The following SGCZ variants were observed in gnomAD, a reference collection of about 807,000 sequenced individuals.
SGCZ encodes zeta-sarcoglycan.
In SGCZ, 40 loss-of-function variants were observed where a neutral mutation model predicts 41.3. The ratio of observed to expected loss-of-function variants is 0.97; its 90% CI spans 0.75 to 1.26. The LOEUF (loss-of-function observed/expected upper bound fraction) is 1.26. Ranked by LOEUF, SGCZ falls within the 50% of genes most tolerant of loss-of-function variation. The probability of loss-of-function intolerance (pLI) is 0.00; values close to 1 mark genes in which losing one functional copy is unlikely to be tolerated. For missense variants in SGCZ, 552 were observed against 369.8 expected (o/e 1.49, Z -4.04); for synonymous variants, 206 against 137.5 (o/e 1.50, Z -3.49).
intron 1 of SGCZ, among the ~76,000 whole-genome samples, chr8:14,696,369 T>C (rs976356485): frequency 7.0e-4 from 106 of 152,192 alleles, no homozygotes; most frequent in Non-Finnish European, 1.9e-4. Flanking sequence ...GACTGGGAAT[T>C]GCAAGCATGG....
rs1472695071 is a variant in SGCZ at position 14,087,925 on chromosome 8, A to C, written c.*2518T>G. On this transcript the variant is annotated 3_prime_UTR_variant, in exon 8 of 8. Transcript: ENST00000382080. The stretch of plus-strand genomic sequence containing the variant: ...TATCACTATATTTTCTACTGTACTG[A>C]ACCGATTTGTTATATCATCTGGATA... Among the ~76,000 whole-genome samples the C allele has an allele frequency of 6.6e-6, 1 of 151,700 alleles. No individual in the cohort carries two copies. Among genetic ancestry groups the C allele is most frequent in the African/African-American group, 2.4e-5 (1 of 41,388 alleles).
intron 2 of SGCZ, among the ~76,000 whole-genome samples, chr8:14,365,002 T>C (rs1803646124): frequency 6.6e-6 from 1 of 152,110 alleles, no homozygotes; most frequent in Non-Finnish European, 1.5e-5. Context: ...TTTATATCCA[T>C]TTGATTTTCA....
intron 1 of SGCZ, among the ~76,000 whole-genome samples, chr8:14,711,981 T>C (rs1809533391): frequency 6.6e-6 from 1 of 151,996 alleles, no homozygotes; most frequent in Non-Finnish European, 1.5e-5. Flanking sequence ...AACTAAAGCT[T>C]AACCAGGCCA....
chr8:14,254,580 T>C (rs571780819), intron 3 of SGCZ, among the ~76,000 whole-genome samples: 199 of 152,360 alleles, frequency 1.3e-3, no homozygotes, highest in African/African-American at 4.5e-3. Flanking sequence ...CTCTAAATTG[T>C]TTCATTTCCC....
intron 1 of SGCZ, among the ~76,000 whole-genome samples, chr8:14,555,728 T>C (rs1453200180): frequency 6.6e-6 from 1 of 152,102 alleles, no homozygotes; most frequent in Non-Finnish European, 1.5e-5. Flanking sequence ...TTTCTGTACC[T>C]TTCTCTAAAA....
At chr8:14,733,663 G>T (rs971234945) in intron 1 of SGCZ, among the ~76,000 whole-genome samples, 13 of 152,038 alleles carry the variant, frequency 8.6e-5, no homozygotes, top group Non-Finnish European at 1.6e-4. Flanking sequence ...ATTACAACTT[G>T]TTGTCAAATA....
At chr8:14,605,260 T>A in intron 1 of SGCZ, among the ~76,000 whole-genome samples, 1 of 104,420 alleles carries the variant, frequency 9.6e-6, no homozygotes, top group South Asian at 2.6e-4. Context: ...CTTTTTAAAG[T>A]TTTTTTTTAA....
chr8:14,874,859 A>T (rs1333022767), intron 1 of SGCZ, among the ~76,000 whole-genome samples: 1 of 152,198 alleles, frequency 6.6e-6, no homozygotes, highest in Non-Finnish European at 1.5e-5. Context: ...CCATTCAAGC[A>T]GTATCCCACA....
chr8:14,544,434 G>A (rs1325004727), intron 2 of SGCZ, among the ~76,000 whole-genome samples: 1 of 151,966 alleles, frequency 6.6e-6, no homozygotes, highest in African/African-American at 2.4e-5. Flanking sequence ...CTGCGGGGTC[G>A]GGGAAAAACA....
At chr8:14,964,062 T>A (rs1801054422) in intron 1 of SGCZ, among the ~76,000 whole-genome samples, 1 of 152,322 alleles carries the variant, frequency 6.6e-6, no homozygotes, top group African/African-American at 2.4e-5. Flanking sequence ...ATTGATCTTA[T>A]AAGCCATGCA....
intron 3 of SGCZ, among the ~76,000 whole-genome samples, chr8:14,302,976 C>T (rs1465477670): frequency 6.6e-6 from 1 of 152,178 alleles, no homozygotes; most frequent in Non-Finnish European, 1.5e-5. Flanking sequence ...GTGCTTCTTA[C>T]ACTGAGCACT....
chr8:15,155,951 G>A (rs1032890664), intron 1 of SGCZ, among the ~76,000 whole-genome samples: 5 of 150,658 alleles, frequency 3.3e-5, no homozygotes, highest in Non-Finnish European at 5.9e-5. Flanking sequence ...CAAGCTACTC[G>A]AGAGGCCGAA....
intron 1 of SGCZ, among the ~76,000 whole-genome samples, chr8:14,999,454 A>C (rs1408030256): frequency 1.3e-5 from 2 of 152,176 alleles, no homozygotes; most frequent in Admixed American, 6.5e-5. Flanking sequence ...AGGAGGAAAA[A>C]GTTCTCCAAT....
chr8:14,240,488 T>G (rs1378625960), intron 3 of SGCZ, among the ~76,000 whole-genome samples: 1 of 152,100 alleles, frequency 6.6e-6, no homozygotes, highest in African/African-American at 2.4e-5. Flanking sequence ...ATAATTCTCC[T>G]AATTTTTTGT....
At chr8:15,071,748 A>C (rs1422068989) in intron 1 of SGCZ, among the ~76,000 whole-genome samples, 1 of 152,182 alleles carries the variant, frequency 6.6e-6, no homozygotes, top group Non-Finnish European at 1.5e-5. Context: ...GGAGTAGCAT[A>C]ATCAGATGGG....
chr8:14,199,349 G>T (rs1184279368), intron 4 of SGCZ, among the ~76,000 whole-genome samples: 1 of 152,168 alleles, frequency 6.6e-6, no homozygotes, highest in East Asian at 1.9e-4. Context: ...CAGACTGGTT[G>T]TCTGCTCTCA....
intron 2 of SGCZ, among the ~76,000 whole-genome samples, chr8:14,439,811 T>C (rs1330225494): frequency 6.6e-6 from 1 of 152,010 alleles, no homozygotes; most frequent in Non-Finnish European, 1.5e-5. Flanking sequence ...CTGGAACTTA[T>C]ATTATGCTTA....
intron 1 of SGCZ, among the ~76,000 whole-genome samples, chr8:15,134,246 T>A (rs1461156880): frequency 6.6e-6 from 1 of 151,550 alleles, no homozygotes; most frequent in Admixed American, 6.6e-5. Context: ...ATAGGTAGTA[T>A]CATCTCATAA....
chr8:14,831,860 GTA>G (rs1009377886), intron 1 of SGCZ, among the ~76,000 whole-genome samples: 1 of 151,978 alleles, frequency 6.6e-6, no homozygotes, highest in African/African-American at 2.4e-5. Context: ...ATATAAGTAT[GTA>G]TATGTGTGTA....
Sources: allele counts gnomAD v4.1 joint callset (sites outside exome capture counted in the v4.1 genomes callset), GRCh38; gene constraint gnomAD v4.1.1; transcripts MANE v1.5; gene names NCBI Gene and HGNC (gene_info 2026-07-23, HGNC 2026-07-21).